The following PARD3 variants were observed in gnomAD, a reference collection of about 807,000 sequenced individuals.
The protein encoded by PARD3 is partitioning defective 3 homolog.
A neutral mutation model predicts 155.4 loss-of-function variants in PARD3; 75 were observed. The observed-to-expected ratio is 0.48, with a 90% CI of 0.40 to 0.58. The LOEUF is 0.58. Ranked by LOEUF, PARD3 falls within the 20% of genes least tolerant of loss-of-function variation. PARD3 has a pLI of 0.00. For missense variants in PARD3, 1,642 were observed against 1,721.7 expected, an observed-to-expected ratio of 0.95 and a Z score of 0.82; for synonymous variants, 576 against 610.5, an observed-to-expected ratio of 0.94 and a Z score of 0.83.
chr10:34,559,051 C>A (rs186175053), intron 2 of PARD3, among the ~76,000 whole-genome samples: 1 of 151,624 alleles, frequency 6.6e-6, no homozygotes, highest in Admixed American at 6.6e-5. Flanking sequence ...TTCCCCCCCA[C>A]AGAATTAGCC....
intron 2 of PARD3, among the ~76,000 whole-genome samples, chr10:34,564,212 A>G (rs1018312984): frequency 2.0e-5 from 3 of 152,252 alleles, no homozygotes; most frequent in African/African-American, 4.8e-5. Flanking sequence ...GTCTCATAAA[A>G]TATCAATTAA....
At chr10:34,501,844 G>T (rs920563216) in intron 3 of PARD3, among the ~76,000 whole-genome samples, 1 of 152,128 alleles carries the variant, frequency 6.6e-6, no homozygotes, top group Non-Finnish European at 1.5e-5. Context: ...TACCCTAGTG[G>T]TATGGAATGA....
At chr10:34,712,184 G>A (rs542297593) in intron 1 of PARD3, among the ~76,000 whole-genome samples, 13 of 152,306 alleles carry the variant, frequency 8.5e-5, no homozygotes, top group South Asian at 6.2e-4. Context: ...GGAAGGGTAC[G>A]AACAGTGGGT....
intron 4 of PARD3, among the ~76,000 whole-genome samples, chr10:34,452,429 A>G (rs541989810): frequency 1.0e-3 from 152 of 152,324 alleles, no homozygotes; most frequent in Middle Eastern, 6.8e-3. Flanking sequence ...TAATCATACT[A>G]AAACTATTAT....
At chr10:34,618,455 G>A (rs1363396512) in intron 2 of PARD3, among the ~76,000 whole-genome samples, 4 of 152,044 alleles carry the variant, frequency 2.6e-5, no homozygotes, top group Non-Finnish European at 5.9e-5. Context: ...ATGTAAGAAC[G>A]CTTCCACAAC....
Position 34,627,022 on chromosome 10 carries a change from CT to C in PARD3, c.222+69295del, listed in dbSNP as rs75287986. Reference sequence around the variant, plus strand: ...AATTATATTGATCTGAGATACCCATCTTTTTTTTTTTTTTGGAGATGGGGTC... The same window carrying C: ...AATTATATTGATCTGAGATACCCATCTTTTTTTTTTTTTGGAGATGGGGTC... On this transcript the variant is annotated intron_variant, in intron 2 of 24. Coordinates refer to ENST00000374788, the MANE Select transcript of PARD3 (RefSeq NM_001184785.2). Among the ~76,000 whole-genome samples the C allele has an allele frequency of 3.5e-3, 496 of 143,088 alleles. 2 individuals are homozygous for C. The highest frequency in any genetic ancestry group is 7.3e-3 in the South Asian group (33 of 4,508). 93.9% of individuals were successfully genotyped at this position (143,088 alleles called of 152,430 possible).
At chr10:34,636,081 G>A (rs917234100) in intron 2 of PARD3, among the ~76,000 whole-genome samples, 1 of 151,852 alleles carries the variant, frequency 6.6e-6, no homozygotes, top group Non-Finnish European at 1.5e-5. Flanking sequence ...AAGGAAGGAA[G>A]AAGGAAGAAG....
rs537246676 is a variant in PARD3, at chr10:34,269,785, T to C, written c.3291A>G (p.Gly1097=). ...CCATGGAACCTTCATAAGAAGAAAC[T>C]CCCCCATACATTAACTCATCATCAC... ...FGCDDELMYG[G]VSSYEGSMAL... Residue 1097 remains glycine, a synonymous_variant, in exon 22 of 25, where the codon GGA becomes GGG. Transcript: ENST00000374788. The C allele has an allele frequency of 1.2e-6, 2 of 1,613,702 alleles. No individual in the cohort carries two copies. The highest frequency in any genetic ancestry group is 1.7e-6 in the Non-Finnish European group (2 of 1,179,938).
intron 5 of PARD3, among the ~76,000 whole-genome samples, chr10:34,410,907 G>A (rs934877481): frequency 3.9e-5 from 6 of 152,194 alleles, no homozygotes; most frequent in African/African-American, 1.4e-4. Context: ...AGAGCATGCA[G>A]GCATCCATCT....
intron 2 of PARD3, among the ~76,000 whole-genome samples, chr10:34,533,593 G>A (rs1037008038): frequency 1.3e-5 from 2 of 152,012 alleles, no homozygotes; most frequent in African/African-American, 4.8e-5. Context: ...GATCACTTGA[G>A]CTCAGGAGTT....
chr10:34,168,963 T>C (rs1949663254), intron 22 of PARD3, among the ~76,000 whole-genome samples: 1 of 152,200 alleles, frequency 6.6e-6, no homozygotes, highest in Non-Finnish European at 1.5e-5. Context: ...TGCTGCCTTG[T>C]TGACAAATAA....
intron 2 of PARD3, among the ~76,000 whole-genome samples, chr10:34,521,547 T>A (rs940828096): frequency 6.6e-6 from 1 of 152,190 alleles, no homozygotes; most frequent in African/African-American, 2.4e-5. Context: ...GAATGTTCAT[T>A]TTTTTCCTTG....
At chr10:34,711,103 A>C (rs1165633039) in intron 1 of PARD3, among the ~76,000 whole-genome samples, 3 of 152,104 alleles carry the variant, frequency 2.0e-5, no homozygotes, top group Non-Finnish European at 4.4e-5. Flanking sequence ...TTGAGCCCAA[A>C]AATTCAAGGC....
chr10:34,589,455 T>C (rs1027198551), intron 2 of PARD3, among the ~76,000 whole-genome samples: 1 of 151,828 alleles, frequency 6.6e-6, no homozygotes, highest in East Asian at 1.9e-4. Flanking sequence ...AAGAAAAAAT[T>C]TGGACACAGA....
chr10:34,725,066 A>ACT (rs1446713173), intron 1 of PARD3, among the ~76,000 whole-genome samples: 2 of 150,712 alleles, frequency 1.3e-5, no homozygotes, highest in Non-Finnish European at 2.9e-5. Flanking sequence ...AGAGTCCCTT[A>ACT]CTCATAGAAT....
Position 34,480,599 on chromosome 10 carries a change from T to C in PARD3, c.404-10336A>G, listed in dbSNP as rs375190381. On this transcript the variant is annotated intron_variant, in intron 3 of 24. Coordinates refer to ENST00000374788, the MANE Select transcript of PARD3 (RefSeq NM_001184785.2). ...ACTAGAGGACAAGTATTGACTCTAT[T>C]CATTTTTACAACTCATCCACTCTAG... 5.9e-5 allele frequency among the ~76,000 whole-genome samples: 9 copies of C among 152,262 alleles called. No individual in the cohort carries two copies. The East Asian group carries it at 1.2e-3, about 20-fold the overall frequency.
chr10:34,477,399 G>A (rs1161426382), intron 3 of PARD3, among the ~76,000 whole-genome samples: 2 of 152,166 alleles, frequency 1.3e-5, no homozygotes, highest in Non-Finnish European at 2.9e-5. Flanking sequence ...CGACTGGTGC[G>A]ATGTCACTGG....
At chr10:34,694,284 A>G (rs1266633587) in intron 2 of PARD3, among the ~76,000 whole-genome samples, 1 of 152,112 alleles carries the variant, frequency 6.6e-6, no homozygotes, top group Non-Finnish European at 1.5e-5. Flanking sequence ...TAAATTCTTC[A>G]TAAATCTCTG....
At chr10:34,514,482 C>A (rs2081587051) in intron 3 of PARD3, among the ~76,000 whole-genome samples, 1 of 152,168 alleles carries the variant, frequency 6.6e-6, no homozygotes, top group Non-Finnish European at 1.5e-5. Flanking sequence ...TGGCAAAAAT[C>A]ACCTTGACAG....
Sources: allele counts gnomAD v4.1 joint callset (sites outside exome capture counted in the v4.1 genomes callset), GRCh38; gene constraint gnomAD v4.1.1; transcripts MANE v1.5; gene names NCBI Gene and HGNC (gene_info 2026-07-23, HGNC 2026-07-21).